Variants in RAB10 observed in about 807,000 individuals in gnomAD.
The protein encoded by RAB10 is ras-related protein Rab-10.
A neutral mutation model predicts 25.7 loss-of-function variants in RAB10; 5 were observed. That is an observed-to-expected ratio of 0.19 (90% CI 0.10 to 0.41). The LOEUF is 0.41. Ranked by LOEUF, RAB10 falls within the 10% of genes least tolerant of loss-of-function variation. The pLI is 1.00. For synonymous variants in RAB10, 89 were observed against 86.4 expected (o/e 1.03, Z -0.16); for missense variants, 103 against 245.8 (o/e 0.42, Z 3.89).
rs1666237389 is a variant in RAB10 at position 26,055,384 on chromosome 2, T to C, written c.127+20649T>C. Among the ~76,000 whole-genome samples, 3 of 151,628 alleles carry C rather than the reference T, an allele frequency of 2.0e-5. No individual in the cohort carries two copies. The South Asian group carries it at 6.3e-4, about 32-fold the overall frequency. The stretch of plus-strand genomic sequence containing the variant: ...GGATTACAGGCATGCGACACCACAC[T>C]TGGCTAATTTTTTTTTTTTTTTTTG... On this transcript the variant is annotated intron_variant, in intron 1 of 5. Transcript: ENST00000264710.
rs1204234996 is a variant in RAB10, at chr2:26,065,069, G to T, written c.127+30334G>T. Among the ~76,000 whole-genome samples the T allele has an allele frequency of 2.0e-5, 3 of 152,152 alleles. No homozygotes were observed. The East Asian group carries it at 5.8e-4, about 29-fold the overall frequency. On this transcript the variant is annotated intron_variant, in intron 1 of 5. Coordinates refer to ENST00000264710, the MANE Select transcript of RAB10 (RefSeq NM_016131.5). ...AGAGCAAGACGCTGGCTCTTTAAAA[G>T]AGTGTTTCAGTTTGGATAATAAGTC...
At chr2:26,112,141 G>A (rs545324080) in intron 3 of RAB10, among the ~76,000 whole-genome samples, 3 of 152,318 alleles carry the variant, frequency 2.0e-5, no homozygotes, top group African/African-American at 7.2e-5. Context: ...ACCTCTCCCA[G>A]CACCTTGATG....
chr2:26,132,364 C>T (rs2060392), intron 5 of RAB10, among the ~76,000 whole-genome samples: 115,904 of 152,050 alleles, frequency 0.76, 44,234 homozygotes, highest in East Asian at 0.87. Flanking sequence ...AGAGATTCTC[C>T]TGCCTCAGCC....
rs184598614 is a variant in RAB10 at position 26,086,494 on chromosome 2, A to G, written c.128-12168A>G. ...AGGACGTGGAGAAATTGGAGCCCTT[A>G]TACGTTGCTCATGTGAATGTAAAAT... On this transcript the variant is annotated intron_variant, in intron 1 of 5. Coordinates refer to ENST00000264710, the MANE Select transcript of RAB10 (RefSeq NM_016131.5). Among the ~76,000 whole-genome samples, 6 of 152,344 alleles carry G rather than the reference A, an allele frequency of 3.9e-5. No individual in the cohort carries two copies. In the East Asian group the frequency reaches 1.2e-3, roughly 29 times the overall value.
chr2:26,084,887 A>T (rs1574544170), intron 1 of RAB10, among the ~76,000 whole-genome samples: 1 of 152,184 alleles, frequency 6.6e-6, no homozygotes, highest in African/African-American at 2.4e-5. Context: ...AACTTTTCTT[A>T]TAAGCCTGAT....
intron 5 of RAB10, among the ~76,000 whole-genome samples, chr2:26,129,091 G>A (rs1230660555): frequency 6.6e-6 from 1 of 152,038 alleles, no homozygotes; most frequent in African/African-American, 2.4e-5. Flanking sequence ...CCAACACGGT[G>A]AAACCCCATC....
intron 1 of RAB10, among the ~76,000 whole-genome samples, chr2:26,040,030 A>G (rs1238966934): frequency 6.6e-6 from 1 of 152,204 alleles, no homozygotes; most frequent in Non-Finnish European, 1.5e-5. Context: ...TGTAGCTACC[A>G]TACTGGATGG....
chr2:26,033,843 T>TC (rs1451800383), upstream of RAB10, among the ~76,000 whole-genome samples: 1 of 152,026 alleles, frequency 6.6e-6, no homozygotes, highest in Admixed American at 6.6e-5. Flanking sequence ...AGGTAGCGTC[T>TC]CCCCCGGGGC....
At chr2:26,120,833 G>A (rs994126138) in intron 3 of RAB10, among the ~76,000 whole-genome samples, 10 of 151,854 alleles carry the variant, frequency 6.6e-5, no homozygotes, top group African/African-American at 1.7e-4. Context: ...CTCGTGATCC[G>A]CCCGCCTCGG....
At chr2:26,033,937 C>G (rs571886451), upstream of RAB10, among the ~76,000 whole-genome samples, 2 of 152,338 alleles carry the variant, frequency 1.3e-5, no homozygotes, top group East Asian at 3.9e-4. Flanking sequence ...CCCTTCTCCC[C>G]TCTGGGTCCA....
chr2:26,104,511 G>A (rs549364161), intron 2 of RAB10, among the ~76,000 whole-genome samples: 1 of 152,248 alleles, frequency 6.6e-6, no homozygotes, highest in Non-Finnish European at 1.5e-5. Flanking sequence ...TTTGCAAATA[G>A]TTTCTTCCAT....
intron 1 of RAB10, among the ~76,000 whole-genome samples, chr2:26,076,796 T>C (rs1666745004): frequency 6.6e-6 from 1 of 151,630 alleles, no homozygotes; most frequent in East Asian, 1.9e-4. Context: ...ATACAAAAAT[T>C]AGCTGGGCGT....
At chr2:26,124,635 A>G (rs961476515) in intron 3 of RAB10, among the ~76,000 whole-genome samples, 1 of 151,504 alleles carries the variant, frequency 6.6e-6, no homozygotes, top group Non-Finnish European at 1.5e-5. Flanking sequence ...CATTTTAACT[A>G]TTATTTTGGT....
At chr2:26,043,358 G>A (rs1214363506) in intron 1 of RAB10, among the ~76,000 whole-genome samples, 1 of 152,104 alleles carries the variant, frequency 6.6e-6, no homozygotes, top group East Asian at 1.9e-4. Flanking sequence ...GGAAGCGGAG[G>A]TTGCAGTGAG....
At chr2:26,043,816 G>A (rs555816630) in intron 1 of RAB10, among the ~76,000 whole-genome samples, 1 of 152,294 alleles carries the variant, frequency 6.6e-6, no homozygotes, top group African/African-American at 2.4e-5. Flanking sequence ...GAGAGGAATA[G>A]TGTTGATGGT....
intron 1 of RAB10, among the ~76,000 whole-genome samples, chr2:26,044,495 A>G (rs1665953651): frequency 6.6e-6 from 1 of 152,028 alleles, no homozygotes. Context: ...GAAAACTGAG[A>G]CTGGTGAGGT....
intron 1 of RAB10, among the ~76,000 whole-genome samples, chr2:26,055,723 C>T (rs1409975796): frequency 4.6e-5 from 7 of 151,700 alleles, no homozygotes; most frequent in East Asian, 3.9e-4. Context: ...TGGGGTTTTG[C>T]AGTGTTGGCC....
chr2:26,096,998 G>T (rs1373680636), intron 1 of RAB10, among the ~76,000 whole-genome samples: 1 of 152,138 alleles, frequency 6.6e-6, no homozygotes, highest in Admixed American at 6.6e-5. Flanking sequence ...AAGGCCGGTG[G>T]GTCACTTTGA....
At position 26,069,852 on chromosome 2, in the gene RAB10, C is replaced by T. The variant is rs190425308; in HGVS notation, c.128-28810C>T. On this transcript the variant is annotated intron_variant, in intron 1 of 5. Coordinates refer to ENST00000264710, the MANE Select transcript of RAB10 (RefSeq NM_016131.5). Reference sequence around the variant, plus strand: ...TCCCAAGTAGCTGGGACTACAGGCACGTGCCACCATGCCCCACTAATTTTT... The same window carrying T: ...TCCCAAGTAGCTGGGACTACAGGCATGTGCCACCATGCCCCACTAATTTTT... Among the ~76,000 whole-genome samples the T allele has an allele frequency of 4.2e-3, 634 of 151,964 alleles. 3 individuals are homozygous for T. The highest frequency in any genetic ancestry group is 6.7e-3 in the Non-Finnish European group (454 of 67,982).
Sources: gnomAD v4.1 joint callset for allele counts (sites outside exome capture counted in the v4.1 genomes callset) on GRCh38, gnomAD v4.1.1 for gene constraint, MANE v1.5 for transcripts, NCBI Gene and HGNC (gene_info 2026-07-23, HGNC 2026-07-21) for gene names.